The following MCOLN2 variants were observed in gnomAD, a reference collection of about 807,000 sequenced individuals.
MCOLN2 encodes the protein mucolipin-2.
MCOLN2 carries 57 observed loss-of-function variants against 67.5 expected under a neutral mutation model. The observed-to-expected ratio is 0.84, with a 90% CI of 0.68 to 1.05. MCOLN2 has a LOEUF of 1.05. MCOLN2 is among the 50% of genes least tolerant of loss of function. The pLI is 0.00. For missense variants in MCOLN2, 620 were observed against 678.8 expected, an observed-to-expected ratio of 0.91 and a Z score of 0.96; for synonymous variants, 246 against 233.3, an observed-to-expected ratio of 1.05 and a Z score of -0.50.
intron 1 of MCOLN2, among the ~76,000 whole-genome samples, chr1:84,991,664 C>T (rs532375208): frequency 6.6e-6 from 1 of 152,288 alleles, no homozygotes; most frequent in South Asian, 2.1e-4. Context: ...AACATGCTAA[C>T]CCTTCAGGAG....
chr1:84,996,966 G>C lies in MCOLN2; in HGVS notation c.-94C>G, dbSNP rs888987056. 6 of 1,159,342 alleles carry C rather than the reference G, an allele frequency of 5.2e-6. No individual in the cohort carries two copies. The African/African-American group carries it at 9.2e-5, about 18-fold the overall frequency. 71.8% of individuals were successfully genotyped at this position (1,159,342 alleles called of 1,614,324 possible). A position where few individuals can be genotyped will look rare whatever the true frequency, so the allele number is the denominator to read the frequency against. On this transcript the variant is annotated 5_prime_UTR_variant, in exon 1 of 14. Coordinates refer to ENST00000370608, the MANE Select transcript of MCOLN2 (RefSeq NM_153259.4). ...ATTTCGCCCTCGCCGTAACGCGTCC[G>C]CCGAAGTTGGAGCCCTGCAAAGCGG...
intron 1 of MCOLN2, among the ~76,000 whole-genome samples, chr1:84,989,479 A>T (rs1650777374): frequency 6.6e-6 from 1 of 152,158 alleles, no homozygotes; most frequent in African/African-American, 2.4e-5. Context: ...CAAAGAATAA[A>T]TTATTCAATG....
At position 84,947,109 on chromosome 1, in the gene MCOLN2, G is replaced by T. The variant is rs1007404506; in HGVS notation, c.771C>A (p.His257Gln). Residue 257 changes from histidine (H) to glutamine (Q), a missense_variant, in exon 7 of 14, where the codon CAC becomes CAA. Physicochemically the swap from His to Gln is conservative, Grantham distance 24. Coordinates refer to ENST00000370608, the MANE Select transcript of MCOLN2 (RefSeq NM_153259.4). ...CAAAATAGATTTTGATTTTGCCACT[G>T]TGAGCTTTATTGTCAAAGATAATCT... is the stretch of plus-strand genomic sequence containing the variant. ...QNTIIFDNKA[H>Q]SGKIKIYFDS... 6.3e-6 allele frequency: 10 copies of T among 1,587,306 alleles called. No homozygotes were observed. The highest frequency in any genetic ancestry group is 8.6e-6 in the Non-Finnish European group (10 of 1,156,586).
intron 1 of MCOLN2, among the ~76,000 whole-genome samples, chr1:84,975,670 C>T (rs551437872): frequency 6.6e-6 from 1 of 152,210 alleles, no homozygotes; most frequent in Admixed American, 6.5e-5. Context: ...AACATGGCCT[C>T]ATCAAATGAA....
intron 2 of MCOLN2, among the ~76,000 whole-genome samples, chr1:84,960,568 G>T (rs995773571): frequency 6.6e-6 from 1 of 152,168 alleles, no homozygotes; most frequent in African/African-American, 2.4e-5. Context: ...CTAAAACTCA[G>T]CTATTCTAAG....
At chr1:84,956,072 T>C (rs746125198) in intron 4 of MCOLN2, among the ~76,000 whole-genome samples, 3 of 152,020 alleles carry the variant, frequency 2.0e-5, no homozygotes, top group Non-Finnish European at 2.9e-5. Flanking sequence ...TAAAAACAAG[T>C]GTACAAAACA....
chr1:84,939,663 CA>C lies in MCOLN2; in HGVS notation c.999del (p.Val334CysfsTer17). The C allele has an allele frequency of 1.9e-6, 3 of 1,614,136 alleles. No homozygotes were observed. The highest frequency in any genetic ancestry group is 2.5e-6 in the Non-Finnish European group (3 of 1,179,992). On this transcript the variant is annotated frameshift_variant, in exon 9 of 14. Coordinates refer to ENST00000370608, the MANE Select transcript of MCOLN2 (RefSeq NM_153259.4). LOFTEE classifies it high-confidence loss of function. The part of the protein sequence containing the change: ...LNFFLEKYKR[P>X]VCDTDQWEFI... ...AACTCCCACTGGTCGGTGTCACACACAGGCCGCTTGTACTTCTCCAGGAAGA... is the reference window on the plus strand; with the variant it reads ...AACTCCCACTGGTCGGTGTCACACACGGCCGCTTGTACTTCTCCAGGAAGA...
intron 1 of MCOLN2, among the ~76,000 whole-genome samples, chr1:84,968,658 T>G (rs1259919106): frequency 1.3e-5 from 2 of 152,244 alleles, no homozygotes; most frequent in Non-Finnish European, 2.9e-5. Flanking sequence ...TTGAGGCGCC[T>G]TAAGGCCTCA....
chr1:84,972,301 A>G (rs763497232), intron 1 of MCOLN2, among the ~76,000 whole-genome samples: 6 of 152,212 alleles, frequency 3.9e-5, no homozygotes, highest in Non-Finnish European at 8.8e-5. Flanking sequence ...CATGAAATAA[A>G]TAAGAGCAAT....
At chr1:84,948,340 T>C (rs939241661) in intron 6 of MCOLN2, among the ~76,000 whole-genome samples, 1 of 151,758 alleles carries the variant, frequency 6.6e-6, no homozygotes, top group South Asian at 2.1e-4. Context: ...TGACAAGGAG[T>C]ACAACTGAAC....
chr1:84,982,919 C>G (rs898587281), intron 1 of MCOLN2, among the ~76,000 whole-genome samples: 4 of 151,896 alleles, frequency 2.6e-5, no homozygotes, highest in Admixed American at 1.3e-4. Flanking sequence ...GGTTTCACTG[C>G]GTTGGCCAGG....
chr1:84,939,410 C>A, intron 9 of MCOLN2, 143 bp downstream of exon 9: 1 of 793,134 alleles, frequency 1.3e-6, no homozygotes, highest in Non-Finnish European at 2.0e-6. Flanking sequence ...AGGAACCAAG[C>A]CAGGGGAGGC....
At chr1:84,994,497 C>A (rs1395689670) in intron 1 of MCOLN2, among the ~76,000 whole-genome samples, 2 of 152,226 alleles carry the variant, frequency 1.3e-5, no homozygotes, top group East Asian at 3.8e-4. Flanking sequence ...GCTTCTATAT[C>A]AGCACTTTCT....
In MCOLN2 at chr1:84,996,787, A is replaced by G; in HGVS notation, c.77+9T>C. 1 of 1,612,704 alleles carries G rather than the reference A, an allele frequency of 6.2e-7. No homozygotes were observed. The highest frequency in any genetic ancestry group is 1.3e-5 in the African/African-American group (1 of 74,926). ...CAGCATCCTGAAAGATGAAGCCCAG[A>G]CTCCTCACCTGACGGTTAACCTGAA... is the stretch of plus-strand genomic sequence containing the variant. On this transcript the variant is annotated intron_variant, in intron 1 of 13. Transcript: ENST00000370608.
At position 84,926,414 on chromosome 1, in the gene MCOLN2, C is replaced by G. The variant is rs150936311; in HGVS notation, c.*271G>C. On this transcript the variant is annotated 3_prime_UTR_variant, in exon 14 of 14. Transcript: ENST00000370608. The stretch of plus-strand genomic sequence containing the variant: ...ATCTTTTTCCATTCCGAGATCATGT[C>G]ATAAATTAACAGACTAATAGAGAAT... 1 of 324,068 alleles carries G rather than the reference C, an allele frequency of 3.1e-6. No homozygotes were observed. Among genetic ancestry groups the G allele is most frequent in the African/African-American group, 2.1e-5 (1 of 47,070 alleles). The allele number at this position is 324,068 out of a possible 1,614,324, so 20.1% of individuals were successfully genotyped here. A position where few individuals can be genotyped will look rare whatever the true frequency, so the allele number is the denominator to read the frequency against.
At chr1:84,935,210 C>A (rs72944578) in intron 11 of MCOLN2, among the ~76,000 whole-genome samples, 268 of 152,274 alleles carry the variant, frequency 1.8e-3, no homozygotes, top group African/African-American at 6.0e-3. Context: ...AAAGAGGCAG[C>A]AATATGGTGA....
chr1:84,975,883 G>A (rs1227998425), intron 1 of MCOLN2, among the ~76,000 whole-genome samples: 1 of 151,932 alleles, frequency 6.6e-6, no homozygotes, highest in Non-Finnish European at 1.5e-5. Flanking sequence ...AATGCAATTG[G>A]CATAAGGAAG....
At chr1:84,932,346 G>A (rs938721043) in intron 11 of MCOLN2, among the ~76,000 whole-genome samples, 1 of 151,962 alleles carries the variant, frequency 6.6e-6, no homozygotes, top group African/African-American at 2.4e-5. Flanking sequence ...CAAATAGATG[G>A]GATTACAGGT....
At chr1:84,947,317 C>T (rs1478807533) in intron 6 of MCOLN2, among the ~76,000 whole-genome samples, 185 bp from the exon 7 acceptor site, 1 of 152,000 alleles carries the variant, frequency 6.6e-6, no homozygotes, top group Non-Finnish European at 1.5e-5. Flanking sequence ...CACACACACA[C>T]ACACACACAC....
Sources: gnomAD v4.1 joint callset for allele counts (sites outside exome capture counted in the v4.1 genomes callset) on GRCh38, gnomAD v4.1.1 for gene constraint, MANE v1.5 for transcripts, NCBI Gene and HGNC (gene_info 2026-07-23, HGNC 2026-07-21) for gene names.